CEMIP2: variants seen among roughly 807,000 people sequenced by gnomAD.
The protein encoded by CEMIP2 is cell surface hyaluronidase CEMIP2.
In CEMIP2, 79 loss-of-function variants were observed where a neutral mutation model predicts 146.9. That is an observed-to-expected ratio of 0.54 (90% CI 0.45 to 0.65). The LOEUF (loss-of-function observed/expected upper bound fraction) is 0.65, where lower values mean the gene tolerates loss of function less well. CEMIP2 is among the 30% of genes least tolerant of loss of function. The pLI is 0.00. For missense variants in CEMIP2, 1,596 were observed against 1,696.2 expected, an observed-to-expected ratio of 0.94 and a Z score of 1.04; for synonymous variants, 601 against 606.3, an observed-to-expected ratio of 0.99 and a Z score of 0.13.
intron 19 of CEMIP2, 137 bp from the exon 20 acceptor site, chr9:71,698,341 T>G: frequency 1.4e-6 from 1 of 708,814 alleles, no homozygotes; most frequent in East Asian, 2.7e-5. Context: ...ACAAAATGAA[T>G]AGTTATTTCT....
rs1408272854 is a variant in CEMIP2, at chr9:71,732,538, G to C, written c.1394-18C>G. 6.4e-7 allele frequency: 1 copy of C among 1,559,580 alleles called. No individual in the cohort carries two copies. The highest frequency in any genetic ancestry group is 2.2e-5 in the Admixed American group (1 of 45,978). On this transcript the variant is annotated intron_variant, in intron 6 of 23. Transcript: ENST00000377044. Reference sequence around the variant, plus strand: ...AGGGGTTTCTGGTTGATATGAGCAAGGAAAAAAAAGAATATTAGAACAAAG... The same window carrying C: ...AGGGGTTTCTGGTTGATATGAGCAACGAAAAAAAAGAATATTAGAACAAAG...
chr9:71,748,144 C>T (rs1395065910), intron 2 of CEMIP2, among the ~76,000 whole-genome samples: 1 of 152,092 alleles, frequency 6.6e-6, no homozygotes, highest in African/African-American at 2.4e-5. Context: ...AGATCTGGAG[C>T]CTACTTCAAT....
At chr9:71,717,852 G>T in intron 13 of CEMIP2, 96 bp downstream of exon 13, 1 of 1,175,016 alleles carries the variant, frequency 8.5e-7, no homozygotes, top group Non-Finnish European at 1.2e-6. Context: ...ATGATTCCAA[G>T]AATCATCACT....
At chr9:71,722,221 A>G (rs574562378) in intron 12 of CEMIP2, among the ~76,000 whole-genome samples, 14 of 152,352 alleles carry the variant, frequency 9.2e-5, no homozygotes, top group Non-Finnish European at 1.8e-4. Context: ...GGAGAAAAAC[A>G]TCAACCTCTT....
chr9:71,745,091 T>A lies in CEMIP2; in HGVS notation c.961A>T (p.Ser321Cys). ...ATCTGGATGGTTCCTTGTAAGAGAC[T>A]TTTAGCGGCTGAATCCCCGACAGCT... The part of the protein sequence containing the change: ...AIAVGDSAAK[S>C]LLQGTIQMIQ... The change falls in exon 4 of 24, where the codon AGT becomes TGT. Residue 321 changes from serine to cysteine, a missense_variant. Physicochemically the swap from Ser to Cys is moderately radical, Grantham distance 112 (BLOSUM62 -1). Coordinates refer to ENST00000377044, the MANE Select transcript of CEMIP2 (RefSeq NM_013390.3). 6.2e-7 allele frequency: 1 copy of A among 1,614,154 alleles called. No homozygotes were observed. Among genetic ancestry groups the A allele is most frequent in the Non-Finnish European group, 8.5e-7 (1 of 1,179,994 alleles).
intron 21 of CEMIP2, among the ~76,000 whole-genome samples, chr9:71,690,941 A>G (rs937780699): frequency 1.3e-5 from 2 of 152,230 alleles, no homozygotes; most frequent in African/African-American, 4.8e-5. Context: ...GCCAAAAATG[A>G]AGGAGCAAAA....
chr9:71,728,225 C>CTATA (rs1377513489), intron 10 of CEMIP2, among the ~76,000 whole-genome samples: 12 of 19,912 alleles, frequency 6.0e-4, no homozygotes, highest in African/African-American at 1.3e-3. Context: ...CTCTCTCTCT[C>CTATA]TCTCTCTATA....
At chr9:71,733,908 A>G (rs1823689876) in intron 6 of CEMIP2, among the ~76,000 whole-genome samples, 1 of 151,442 alleles carries the variant, frequency 6.6e-6, no homozygotes, top group Non-Finnish European at 1.5e-5. Flanking sequence ...CAGTGACATG[A>G]TCTCAGCTCA....
intron 19 of CEMIP2, 78 bp downstream of exon 19, chr9:71,700,564 C>A: frequency 6.9e-7 from 1 of 1,440,420 alleles, no homozygotes; most frequent in Non-Finnish European, 9.4e-7. Flanking sequence ...ACTAAACAGC[C>A]GCGATGCTGA....
chr9:71,752,327 T>C (rs1824276979), intron 1 of CEMIP2, among the ~76,000 whole-genome samples: 1 of 151,506 alleles, frequency 6.6e-6, no homozygotes, highest in Admixed American at 6.6e-5. Context: ...CATGCTTCAT[T>C]TTTAACAGAA....
chr9:71,728,302 C>CGTAT lies in CEMIP2; in HGVS notation c.2049+1542_2049+1543insATAC, dbSNP rs1554684803. 2.6e-4 allele frequency among the ~76,000 whole-genome samples: 3 copies of CGTAT among 11,584 alleles called. 1 individual carries two copies. The Admixed American group carries it at 5.2e-3, about 20-fold the overall frequency. The allele number at this position is 11,584 out of a possible 152,430, so 7.6% of individuals were successfully genotyped here. A position where few individuals can be genotyped will look rare whatever the true frequency, so the allele number is the denominator to read the frequency against. On this transcript the variant is annotated intron_variant, in intron 10 of 23. Transcript: ENST00000377044. The stretch of plus-strand genomic sequence containing the variant: ...ATATGTATATATATATATATATATA[C>CGTAT]ATATATATATATATACGTATATATA...
chr9:71,731,183 T>C (rs1823606139), intron 7 of CEMIP2, among the ~76,000 whole-genome samples: 1 of 152,200 alleles, frequency 6.6e-6, no homozygotes, highest in Admixed American at 6.5e-5. Context: ...CTGCTAAGTG[T>C]TTTGATTTGT....
At chr9:71,769,108 C>G (rs183792267), upstream of CEMIP2, among the ~76,000 whole-genome samples, 564 of 152,266 alleles carry the variant, frequency 3.7e-3, 4 homozygotes, top group African/African-American at 0.013. Context: ...CCAGCGCCCC[C>G]CGCTGCGGCT....
chr9:71,750,379 A>G lies in CEMIP2; in HGVS notation c.-6T>C, dbSNP rs1824214651. The G allele has an allele frequency of 6.4e-7, 1 of 1,559,438 alleles. No homozygotes were observed. The highest frequency in any genetic ancestry group is 8.6e-7 in the Non-Finnish European group (1 of 1,156,572). ...CTGGAATCAGTGGCATACATGATAC[A>G]CTGTTACTGTGAAAAGAAAAAAAAA... On this transcript the variant is annotated 5_prime_UTR_variant, in exon 2 of 24. Transcript: ENST00000377044.
At chr9:71,769,444 T>C (rs1003011238), upstream of CEMIP2, among the ~76,000 whole-genome samples, 7 of 152,248 alleles carry the variant, frequency 4.6e-5, no homozygotes, top group African/African-American at 1.7e-4. Context: ...AGGGCAGCTC[T>C]TCTGGTCCCT....
chr9:71,707,937 A>G (rs758466610), intron 17 of CEMIP2, among the ~76,000 whole-genome samples: 24 of 152,278 alleles, frequency 1.6e-4, no homozygotes, highest in Non-Finnish European at 3.1e-4. Flanking sequence ...CTGTAATCCC[A>G]GCATTTTGGG....
At chr9:71,711,581 A>G (rs539141963) in intron 16 of CEMIP2, among the ~76,000 whole-genome samples, 3 of 150,384 alleles carry the variant, frequency 2.0e-5, no homozygotes, top group Admixed American at 6.7e-5. Flanking sequence ...ACAGGCTGAG[A>G]CCCTGCCTCA....
intron 5 of CEMIP2, among the ~76,000 whole-genome samples, chr9:71,735,198 G>C (rs148565022): frequency 1.7e-3 from 253 of 152,036 alleles, no homozygotes; most frequent in African/African-American, 5.9e-3. Context: ...TGCCTTCAAG[G>C]GGTGAGTGCC....
Position 71,745,590 on chromosome 9 carries a change from C to A in CEMIP2, c.473-11G>T. On this transcript the variant is annotated splice_polypyrimidine_tract_variant and intron_variant, in intron 3 of 23. Coordinates refer to ENST00000377044, the MANE Select transcript of CEMIP2 (RefSeq NM_013390.3). ...CAAATACAAGCAGTCCTGCAGGGAA[C>A]ACCACCCTGTAAGCCAACTTCTAAA... 1.3e-6 allele frequency: 2 copies of A among 1,568,890 alleles called. No homozygotes were observed. Among genetic ancestry groups the A allele is most frequent in the Non-Finnish European group, 1.7e-6 (2 of 1,160,438 alleles).
Sources: allele counts gnomAD v4.1 joint callset (sites outside exome capture counted in the v4.1 genomes callset), GRCh38; gene constraint gnomAD v4.1.1; transcripts MANE v1.5; gene names NCBI Gene and HGNC (gene_info 2026-07-23, HGNC 2026-07-21).